BOLL: variants seen among roughly 807,000 people sequenced by gnomAD.
BOLL encodes protein boule-like.
Under a neutral mutation model 44.4 loss-of-function variants are expected in BOLL, and 23 were observed. The ratio of observed to expected loss-of-function variants is 0.52; its 90% CI spans 0.37 to 0.73. The LOEUF (loss-of-function observed/expected upper bound fraction) is 0.73, where lower values mean the gene tolerates loss of function less well. Ranked by LOEUF, BOLL falls within the 30% of genes least tolerant of loss-of-function variation. The pLI is 0.00. For synonymous variants in BOLL, 97 were observed against 110.8 expected (o/e 0.88, Z 0.78); for missense variants, 287 against 338.3 (o/e 0.85, Z 1.19).
chr2:197,769,535 C>T (rs1289436270), intron 6 of BOLL, among the ~76,000 whole-genome samples: 1 of 152,048 alleles, frequency 6.6e-6, no homozygotes, highest in Non-Finnish European at 1.5e-5. Context: ...AAAGGGTATT[C>T]AATTAGGAAA....
At chr2:197,752,082 C>T (rs1234214453) in intron 9 of BOLL, among the ~76,000 whole-genome samples, 1 of 152,156 alleles carries the variant, frequency 6.6e-6, no homozygotes, top group African/African-American at 2.4e-5. Flanking sequence ...CAGAAAAGGC[C>T]TTCAAAAAAA....
intron 7 of BOLL, among the ~76,000 whole-genome samples, chr2:197,758,197 T>C (rs747784788): frequency 6.6e-6 from 1 of 152,234 alleles, no homozygotes; most frequent in Non-Finnish European, 1.5e-5. Flanking sequence ...AAAATTTGTA[T>C]GTGAATGTCC....
intron 3 of BOLL, among the ~76,000 whole-genome samples, chr2:197,778,544 A>G (rs1689619668): frequency 6.6e-6 from 1 of 151,620 alleles, no homozygotes; most frequent in African/African-American, 2.4e-5. Flanking sequence ...TATTTCTCAT[A>G]CTGGTCCCCT....
intron 5 of BOLL, among the ~76,000 whole-genome samples, chr2:197,773,016 C>T (rs926146740): frequency 6.6e-6 from 1 of 151,630 alleles, no homozygotes; most frequent in African/African-American, 2.4e-5. Flanking sequence ...TAGCATGGGC[C>T]TACCACTTTA....
intron 9 of BOLL, among the ~76,000 whole-genome samples, chr2:197,753,085 A>G (rs1334772627): frequency 6.6e-6 from 1 of 152,252 alleles, no homozygotes; most frequent in Non-Finnish European, 1.5e-5. Flanking sequence ...TGGTGTCGAG[A>G]AAACTGGCTG....
At chr2:197,731,140 C>CA (rs966466361) in intron 10 of BOLL, among the ~76,000 whole-genome samples, 2 of 151,564 alleles carry the variant, frequency 1.3e-5, no homozygotes, top group African/African-American at 2.4e-5. Flanking sequence ...CAATGGAAAA[C>CA]AAAAAAAGGC....
chr2:197,773,366 A>G (rs569979212), intron 5 of BOLL, among the ~76,000 whole-genome samples: 11 of 152,072 alleles, frequency 7.2e-5, no homozygotes, highest in Non-Finnish European at 1.2e-4. Flanking sequence ...CCCTAGTGAT[A>G]CAGCAAAAAA....
At chr2:197,752,654 G>T (rs890223119) in intron 9 of BOLL, among the ~76,000 whole-genome samples, 1 of 152,098 alleles carries the variant, frequency 6.6e-6, no homozygotes, top group Admixed American at 6.5e-5. Context: ...AAATATGAGA[G>T]GACACAATCA....
intron 9 of BOLL, among the ~76,000 whole-genome samples, chr2:197,749,321 T>A (rs1434740747): frequency 1.3e-5 from 2 of 152,092 alleles, no homozygotes; most frequent in Admixed American, 1.3e-4. Flanking sequence ...AATACCAGAA[T>A]GCCTCTTCCC....
At chr2:197,750,807 T>C (rs1065955) in intron 9 of BOLL, among the ~76,000 whole-genome samples, 75,195 of 151,964 alleles carry the variant, frequency 0.49, 19,254 homozygotes, top group African/African-American at 0.6. Context: ...CTAATAGACA[T>C]CTACAGAACT....
Position 197,778,962 on chromosome 2 carries a change from T to C in BOLL, c.221+13A>G, listed in dbSNP as rs1230157405. 2 of 1,596,230 alleles carry C rather than the reference T, an allele frequency of 1.3e-6. No homozygotes were observed. Among genetic ancestry groups the C allele is most frequent in the Non-Finnish European group, 1.7e-6 (2 of 1,166,740 alleles). Reference sequence around the variant, plus strand: ...AGTTGCTAATTCCATAGACAATCTATAGTGATACTAACCCTTTGGATACTC... The same window carrying C: ...AGTTGCTAATTCCATAGACAATCTACAGTGATACTAACCCTTTGGATACTC... On this transcript the variant is annotated intron_variant, in intron 3 of 10. Transcript: ENST00000392296.
At chr2:197,771,282 G>A (rs1213997803) in intron 6 of BOLL, among the ~76,000 whole-genome samples, 1 of 148,518 alleles carries the variant, frequency 6.7e-6, no homozygotes, top group African/African-American at 2.5e-5. Context: ...TCACTCATAG[G>A]TGGGAATTGA....
At chr2:197,768,886 G>C (rs865859643) in intron 6 of BOLL, among the ~76,000 whole-genome samples, 10 of 150,582 alleles carry the variant, frequency 6.6e-5, no homozygotes, top group African/African-American at 2.4e-4. Flanking sequence ...GTTGAATTTT[G>C]TCGAAGGCCT....
intron 1 of BOLL, 70 bp downstream of exon 1, chr2:197,784,986 C>G: frequency 1.0e-6 from 1 of 985,950 alleles, no homozygotes; most frequent in Non-Finnish European, 1.2e-6. Flanking sequence ...CTGGCCCCTC[C>G]CCTTGAGAAT....
At chr2:197,744,833 A>G (rs1272328242) in intron 9 of BOLL, among the ~76,000 whole-genome samples, 3 of 152,330 alleles carry the variant, frequency 2.0e-5, no homozygotes, top group East Asian at 1.9e-4. Context: ...GGGTTAAGCA[A>G]TTCCTCAAAG....
rs1307904084 is a variant in BOLL at position 197,778,957 on chromosome 2, A to T, written c.221+18T>A. On this transcript the variant is annotated intron_variant, in intron 3 of 10. Transcript: ENST00000392296. ...AATAGAGTTGCTAATTCCATAGACAATCTATAGTGATACTAACCCTTTGGA... is the reference window on the plus strand; with the variant it reads ...AATAGAGTTGCTAATTCCATAGACATTCTATAGTGATACTAACCCTTTGGA... The T allele has an allele frequency of 6.3e-7, 1 of 1,588,176 alleles. No individual in the cohort carries two copies. The highest frequency in any genetic ancestry group is 1.7e-5 in the Admixed American group (1 of 58,246).
chr2:197,752,593 C>T (rs1245737722), intron 9 of BOLL, among the ~76,000 whole-genome samples: 1 of 152,152 alleles, frequency 6.6e-6, no homozygotes, highest in Non-Finnish European at 1.5e-5. Context: ...ATACAACTTA[C>T]AAGGGATGTG....
In BOLL at chr2:197,727,563, A is replaced by T. The variant is rs1686900420; in HGVS notation, c.*992T>A. ...ATCGGATTTAGAATCAGAATCTAAA[A>T]TTTTCCTTTGGTGTAAAAAATAGTT... On this transcript the variant is annotated 3_prime_UTR_variant, in exon 11 of 11. Coordinates refer to ENST00000392296, the MANE Select transcript of BOLL (RefSeq NM_033030.6). 1 of 152,314 alleles carries T rather than the reference A, an allele frequency of 6.6e-6. No individual in the cohort carries two copies. The highest frequency in any genetic ancestry group is 2.1e-4 in the South Asian group (1 of 4,838). 9.4% of individuals were successfully genotyped at this position (152,314 alleles called of 1,614,324 possible).
intron 9 of BOLL, among the ~76,000 whole-genome samples, chr2:197,748,854 A>C (rs1688104719): frequency 6.6e-6 from 1 of 152,238 alleles, no homozygotes; most frequent in Non-Finnish European, 1.5e-5. Flanking sequence ...GAAGAGAGCA[A>C]CAGATCTCCC....
Sources: allele counts gnomAD v4.1 joint callset (sites outside exome capture counted in the v4.1 genomes callset), GRCh38; gene constraint gnomAD v4.1.1; transcripts MANE v1.5; gene names NCBI Gene and HGNC (gene_info 2026-07-23, HGNC 2026-07-21).